SLC35D2: variants seen among roughly 807,000 people sequenced by gnomAD.
SLC35D2 encodes the protein nucleotide sugar transporter SLC35D2.
Under a neutral mutation model 41.8 loss-of-function variants are expected in SLC35D2, and 43 were observed. That is an observed-to-expected ratio of 1.03 (90% CI 0.81 to 1.33). SLC35D2 has a LOEUF of 1.33. Ranked by LOEUF, SLC35D2 falls within the 40% of genes most tolerant of loss-of-function variation. The pLI, the probability that SLC35D2 is intolerant of heterozygous loss-of-function variation, is 0.00. For synonymous variants in SLC35D2, 150 were observed against 163.9 expected (o/e 0.92, Z 0.65); for missense variants, 380 against 408.4 (o/e 0.93, Z 0.60).
chr9:96,324,197 G>C, intron 9 of SLC35D2, 28 bp from the exon 10 acceptor site: 1 of 1,596,428 alleles, frequency 6.3e-7, no homozygotes, highest in Non-Finnish European at 8.6e-7. Flanking sequence ...ACACTGGAGT[G>C]TGTGCCTCAC....
intron 9 of SLC35D2, among the ~76,000 whole-genome samples, chr9:96,325,883 TC>T (rs1440486724): frequency 2.0e-5 from 3 of 152,110 alleles, no homozygotes; most frequent in African/African-American, 7.2e-5. Context: ...TCACAAACCT[TC>T]AACACGATAA....
intron 1 of SLC35D2, among the ~76,000 whole-genome samples, chr9:96,373,811 G>C (rs374777752): frequency 3.3e-5 from 5 of 152,058 alleles, no homozygotes; most frequent in Admixed American, 6.6e-5. Context: ...AGCTCTCTAC[G>C]TTAATTTTCC....
intron 9 of SLC35D2, among the ~76,000 whole-genome samples, chr9:96,331,802 T>C (rs1370114778): frequency 6.6e-6 from 1 of 152,168 alleles, no homozygotes; most frequent in Non-Finnish European, 1.5e-5. Context: ...GAGCTCCGCC[T>C]CCTGTCAGAT....
downstream of SLC35D2, among the ~76,000 whole-genome samples, chr9:96,317,902 G>A (rs964353771): frequency 3.4e-5 from 5 of 149,044 alleles, no homozygotes; most frequent in African/African-American, 7.5e-5. Context: ...GCGTAGTGGC[G>A]TACGCCTATG....
rs575568572 is a variant in SLC35D2 at position 96,374,595 on chromosome 9, G to A, written c.159-6290C>T. Reference sequence around the variant, plus strand: ...CACCCCTGTAATCCCAGCACTTTGGGAGGACGAGGCGGGTGGATCACGAGA... The same window carrying A: ...CACCCCTGTAATCCCAGCACTTTGGAAGGACGAGGCGGGTGGATCACGAGA... On this transcript the variant is annotated intron_variant, in intron 1 of 11. Coordinates refer to ENST00000253270, the MANE Select transcript of SLC35D2 (RefSeq NM_007001.3). 1.5e-3 allele frequency among the ~76,000 whole-genome samples: 227 copies of A among 151,674 alleles called. 1 individual carries two copies. The highest frequency in any genetic ancestry group is 5.2e-3 in the African/African-American group (214 of 41,328).
intron 3 of SLC35D2, among the ~76,000 whole-genome samples, chr9:96,362,898 A>T: frequency 6.9e-6 from 1 of 144,482 alleles, no homozygotes. Flanking sequence ...ATGGGGTCTC[A>T]CTCTGTCGCC....
chr9:96,381,378 G>A (rs1203193985), intron 1 of SLC35D2, among the ~76,000 whole-genome samples: 1 of 152,182 alleles, frequency 6.6e-6, no homozygotes, highest in Non-Finnish European at 1.5e-5. Flanking sequence ...ACACAGGCCA[G>A]CAATCCATTA....
chr9:96,373,372 T>C (rs1830791390), intron 1 of SLC35D2, among the ~76,000 whole-genome samples: 1 of 152,116 alleles, frequency 6.6e-6, no homozygotes, highest in African/African-American at 2.4e-5. Context: ...CCTCCCCTGA[T>C]ATGTCCTTTT....
chr9:96,362,048 A>T (rs1218226028), intron 3 of SLC35D2, among the ~76,000 whole-genome samples: 1 of 152,230 alleles, frequency 6.6e-6, no homozygotes, highest in Non-Finnish European at 1.5e-5. Flanking sequence ...AGAACAGATA[A>T]GTAAATTGTG....
At chr9:96,341,281 T>C (rs111747233) in intron 8 of SLC35D2, among the ~76,000 whole-genome samples, 8 of 152,254 alleles carry the variant, frequency 5.3e-5, no homozygotes, top group African/African-American at 1.4e-4. Context: ...AGTGAGACGC[T>C]GTCTCAAAAA....
intron 1 of SLC35D2, among the ~76,000 whole-genome samples, chr9:96,376,856 C>T (rs560561081): frequency 5.1e-4 from 77 of 151,600 alleles, no homozygotes; most frequent in Non-Finnish European, 1.0e-3. Flanking sequence ...GTGATCCACC[C>T]GCCTCGGCCT....
intron 9 of SLC35D2, among the ~76,000 whole-genome samples, chr9:96,328,766 T>C (rs4416938): frequency 0.13 from 20,264 of 152,142 alleles, 1,811 homozygotes; most frequent in East Asian, 0.29. Context: ...TTTTGCATTC[T>C]TTCCACCATC....
At chr9:96,362,617 T>C (rs887956338) in intron 3 of SLC35D2, among the ~76,000 whole-genome samples, 2 of 152,186 alleles carry the variant, frequency 1.3e-5, no homozygotes, top group Admixed American at 6.5e-5. Flanking sequence ...AGGAAGACTT[T>C]GTGATCCCAT....
intron 7 of SLC35D2, among the ~76,000 whole-genome samples, chr9:96,344,744 A>G (rs111828826): frequency 0.098 from 12,248 of 125,338 alleles, 1,086 homozygotes; most frequent in African/African-American, 0.15. Context: ...AGGGGGAGGG[A>G]TGGGGCCTCC....
intron 8 of SLC35D2, among the ~76,000 whole-genome samples, chr9:96,341,668 A>G (rs1829330263): frequency 6.6e-6 from 1 of 152,238 alleles, no homozygotes; most frequent in South Asian, 2.1e-4. Context: ...AAGATTCCAC[A>G]TGATAATCAT....
intron 9 of SLC35D2, among the ~76,000 whole-genome samples, chr9:96,331,862 C>T (rs1004371088): frequency 2.0e-5 from 3 of 152,130 alleles, no homozygotes; most frequent in East Asian, 1.9e-4. Flanking sequence ...TTGTGAACTG[C>T]GCATTTGAGG....
chr9:96,331,506 T>C (rs1226008335), intron 9 of SLC35D2, among the ~76,000 whole-genome samples: 1 of 152,104 alleles, frequency 6.6e-6, no homozygotes, highest in Non-Finnish European at 1.5e-5. Flanking sequence ...CCTTTTTTTT[T>C]CTTTCCCTCT....
At chr9:96,349,558 C>T (rs1435600451) in intron 6 of SLC35D2, among the ~76,000 whole-genome samples, 1 of 151,824 alleles carries the variant, frequency 6.6e-6, no homozygotes, top group East Asian at 1.9e-4. Context: ...TGGAGTCTCA[C>T]TCTGTCGTCC....
At chr9:96,364,416 G>A (rs1462097152) in intron 3 of SLC35D2, 48 bp downstream of exon 3, 11 of 1,127,444 alleles carry the variant, frequency 9.8e-6, no homozygotes, top group Non-Finnish European at 1.5e-5. Flanking sequence ...AAATCAATGT[G>A]TATTTTCACA....
Sources: gnomAD v4.1 joint callset for allele counts (sites outside exome capture counted in the v4.1 genomes callset) on GRCh38, gnomAD v4.1.1 for gene constraint, MANE v1.5 for transcripts, NCBI Gene and HGNC (gene_info 2026-07-23, HGNC 2026-07-21) for gene names.